ITGA9: variants seen among roughly 807,000 people sequenced by gnomAD.
The protein encoded by ITGA9 is integrin subunit alpha 9.
In ITGA9, 56 loss-of-function variants were observed where a neutral mutation model predicts 127.8. That is an observed-to-expected ratio of 0.44 (90% CI 0.35 to 0.55). ITGA9 has a LOEUF of 0.55. Among genes scored for constraint, ITGA9 ranks in the 20% least tolerant of loss-of-function variants. The pLI is 0.00. For missense variants in ITGA9, 1,196 were observed against 1,347.1 expected (o/e 0.89, Z 1.76); for synonymous variants, 508 against 514.5 (o/e 0.99, Z 0.17).
At chr3:37,534,439 A>G (rs1203519726) in intron 14 of ITGA9, among the ~76,000 whole-genome samples, 6 of 152,244 alleles carry the variant, frequency 3.9e-5, no homozygotes, top group Non-Finnish European at 7.3e-5. Flanking sequence ...CAAGAGCCCC[A>G]CAAGATTCCT....
At chr3:37,779,657 A>G (rs1488935985) in intron 24 of ITGA9, among the ~76,000 whole-genome samples, 1 of 152,102 alleles carries the variant, frequency 6.6e-6, no homozygotes, top group Non-Finnish European at 1.5e-5. Flanking sequence ...AATTCTTGGT[A>G]GGATAAATTA....
chr3:37,627,928 G>A (rs2125634726), intron 15 of ITGA9, among the ~76,000 whole-genome samples: 1 of 152,308 alleles, frequency 6.6e-6, no homozygotes, highest in Middle Eastern at 3.4e-3. Flanking sequence ...AAACTGGCAG[G>A]CACATCTGCC....
intron 1 of ITGA9, among the ~76,000 whole-genome samples, chr3:37,470,137 C>G (rs981890839): frequency 5.4e-5 from 3 of 55,242 alleles, no homozygotes; most frequent in African/African-American, 8.2e-5. Flanking sequence ...TAGGTTTCTT[C>G]TTGTTTTTTT....
chr3:37,511,960 T>C (rs1698909183), intron 8 of ITGA9, among the ~76,000 whole-genome samples: 1 of 89,852 alleles, frequency 1.1e-5, no homozygotes, highest in Admixed American at 1.4e-4. Flanking sequence ...ATAATGCTTT[T>C]TCTCTTTCTT....
At chr3:37,536,220 C>G (rs1257576582) in intron 14 of ITGA9, among the ~76,000 whole-genome samples, 1 of 152,218 alleles carries the variant, frequency 6.6e-6, no homozygotes, top group Non-Finnish European at 1.5e-5. Context: ...ACAGCTGAGA[C>G]ACTGGGTTAC....
At chr3:37,506,201 G>T (rs777026029) in intron 7 of ITGA9, 116 bp downstream of exon 7, 1 of 820,346 alleles carries the variant, frequency 1.2e-6, no homozygotes, top group Non-Finnish European at 2.1e-6. Context: ...GGTGGCTGGT[G>T]GGGAGGTGAT....
At chr3:37,619,347 G>C (rs6792097) in intron 15 of ITGA9, among the ~76,000 whole-genome samples, 125,324 of 152,178 alleles carry the variant, frequency 0.82, 52,258 homozygotes, top group African/African-American at 0.94. Context: ...TGGTATCTTG[G>C]ATTTCAGAAG....
At chr3:37,679,311 T>G (rs1700712425) in intron 17 of ITGA9, among the ~76,000 whole-genome samples, 1 of 152,108 alleles carries the variant, frequency 6.6e-6, no homozygotes, top group African/African-American at 2.4e-5. Context: ...GCACAAAAAC[T>G]CTATGCTTGA....
intron 17 of ITGA9, among the ~76,000 whole-genome samples, chr3:37,664,421 T>C (rs1399473591): frequency 6.1e-5 from 2 of 32,730 alleles, no homozygotes; most frequent in Non-Finnish European, 1.1e-4. Context: ...CAGCACATTC[T>C]TTTTTTTTTT....
chr3:37,491,522 C>T (rs1698673015), intron 4 of ITGA9, among the ~76,000 whole-genome samples: 1 of 152,224 alleles, frequency 6.6e-6, no homozygotes, highest in Admixed American at 6.5e-5. Context: ...AAAGTTCTTC[C>T]TGGGAACACA....
intron 15 of ITGA9, among the ~76,000 whole-genome samples, chr3:37,562,552 A>T (rs903882649): frequency 1.3e-5 from 2 of 152,240 alleles, no homozygotes; most frequent in Non-Finnish European, 2.9e-5. Context: ...GGTAGGGAAG[A>T]TGCCCACGGC....
intron 4 of ITGA9, among the ~76,000 whole-genome samples, chr3:37,482,684 T>C (rs1474526268): frequency 1.3e-5 from 2 of 152,084 alleles, no homozygotes; most frequent in African/African-American, 4.8e-5. Flanking sequence ...CCCTTCTGGG[T>C]ACTGAGGTGA....
intron 18 of ITGA9, among the ~76,000 whole-genome samples, chr3:37,708,576 A>G (rs1313258461): frequency 5.4e-5 from 2 of 36,798 alleles, no homozygotes; most frequent in East Asian, 1.4e-3. Flanking sequence ...CAACTTTTGG[A>G]GAAATTTTTG....
chr3:37,547,462 A>G (rs1003728841), intron 15 of ITGA9, among the ~76,000 whole-genome samples: 8 of 152,056 alleles, frequency 5.3e-5, no homozygotes, highest in East Asian at 1.9e-4. Context: ...TTCATATCCA[A>G]CAAAATGCCT....
intron 15 of ITGA9, among the ~76,000 whole-genome samples, chr3:37,552,852 T>G (rs902848847): frequency 3.3e-5 from 5 of 152,162 alleles, no homozygotes; most frequent in African/African-American, 1.2e-4. Flanking sequence ...CCGTTTCTAC[T>G]AAAATTACAA....
intron 3 of ITGA9, among the ~76,000 whole-genome samples, chr3:37,475,676 A>C (rs1698486327): frequency 6.6e-6 from 1 of 152,358 alleles, no homozygotes; most frequent in East Asian, 1.9e-4. Context: ...AAAGAGGAGC[A>C]TCTGACACCA....
intron 22 of ITGA9, chr3:37,749,278 C>A (rs1696550573): frequency 6.2e-6 from 1 of 161,196 alleles, no homozygotes; most frequent in African/African-American, 2.4e-5. Flanking sequence ...TCTGATCTGA[C>A]TTCTGCCTCT....
intron 14 of ITGA9, among the ~76,000 whole-genome samples, chr3:37,535,368 C>T (rs539136940): frequency 1.3e-5 from 2 of 152,352 alleles, no homozygotes; most frequent in African/African-American, 4.8e-5. Context: ...AGTGGTAGAG[C>T]AAACTCTGAT....
intron 17 of ITGA9, among the ~76,000 whole-genome samples, chr3:37,668,025 G>A (rs1035495320): frequency 2.0e-5 from 3 of 152,036 alleles, no homozygotes; most frequent in Non-Finnish European, 4.4e-5. Flanking sequence ...ACCCAAGGAC[G>A]TTTTTCTCTG....
Sources: gnomAD v4.1 joint callset for allele counts (sites outside exome capture counted in the v4.1 genomes callset) on GRCh38, gnomAD v4.1.1 for gene constraint, MANE v1.5 for transcripts, NCBI Gene and HGNC (gene_info 2026-07-23, HGNC 2026-07-21) for gene names.